The following FNIP1 variants were observed in gnomAD, a reference collection of about 807,000 sequenced individuals.
FNIP1 encodes the protein folliculin-interacting protein 1.
A neutral mutation model predicts 124.5 loss-of-function variants in FNIP1; 40 were observed. The ratio of observed to expected loss-of-function variants is 0.32; its 90% confidence interval spans 0.25 to 0.42. The LOEUF (loss-of-function observed/expected upper bound fraction) is 0.42. Among genes scored for constraint, FNIP1 ranks in the 10% least tolerant of loss-of-function variants. FNIP1 has a pLI of 1.00. For synonymous variants in FNIP1, 472 were observed against 470.6 expected (o/e 1.00, Z -0.04); for missense variants, 1,176 against 1,403.7 (o/e 0.84, Z 2.59).
chr5:131,780,499 C>T (rs1463789254), intron 1 of FNIP1, among the ~76,000 whole-genome samples: 14 of 151,452 alleles, frequency 9.2e-5, no homozygotes, highest in African/African-American at 3.2e-4. Flanking sequence ...ATTTTTTTTA[C>T]AAATTGAAGG....
chr5:131,653,429 C>T (rs1767100352), intron 15 of FNIP1, among the ~76,000 whole-genome samples: 3 of 151,894 alleles, frequency 2.0e-5, no homozygotes, highest in Admixed American at 6.6e-5. Flanking sequence ...ATCCCAGCTA[C>T]TTGGGAGGCT....
chr5:131,652,441 G>A (rs1767067033), intron 15 of FNIP1, among the ~76,000 whole-genome samples: 1 of 152,128 alleles, frequency 6.6e-6, no homozygotes, highest in Non-Finnish European at 1.5e-5. Context: ...TGCAACCTCC[G>A]CCTCCCAGGT....
intron 1 of FNIP1, 106 bp from the exon 2 acceptor site, chr5:131,744,796 T>C (rs1770621193): frequency 2.5e-6 from 2 of 802,974 alleles, no homozygotes; most frequent in South Asian, 8.0e-5. Context: ...CAAAATTATC[T>C]TATTGTTAAA....
chr5:131,662,337 A>G (rs756338761), intron 15 of FNIP1, among the ~76,000 whole-genome samples: 1 of 152,242 alleles, frequency 6.6e-6, no homozygotes, highest in Non-Finnish European at 1.5e-5. Context: ...ATTATCATCT[A>G]AACTTTAATA....
At chr5:131,763,682 C>T (rs1771317715) in intron 1 of FNIP1, among the ~76,000 whole-genome samples, 1 of 152,074 alleles carries the variant, frequency 6.6e-6, no homozygotes, top group Admixed American at 6.6e-5. Context: ...TACAATTCAA[C>T]ATGAGATTTG....
intron 11 of FNIP1, among the ~76,000 whole-genome samples, chr5:131,684,508 TCAAA>T (rs1254892750): frequency 6.6e-6 from 1 of 151,798 alleles, no homozygotes; most frequent in Non-Finnish European, 1.5e-5. Flanking sequence ...AGCAAAATAA[TCAAA>T]CAATACAAAT....
intron 2 of FNIP1, among the ~76,000 whole-genome samples, chr5:131,734,514 T>C (rs1770217347): frequency 6.6e-6 from 1 of 151,768 alleles, no homozygotes; most frequent in Admixed American, 6.6e-5. Context: ...ACCATCAGAG[T>C]GAACAGGCAA....
In FNIP1 at chr5:131,706,518, T is replaced by C; in HGVS notation, c.807A>G (p.Pro269=). 2 of 1,610,730 alleles carry C rather than the reference T, an allele frequency of 1.2e-6. No homozygotes were observed. Among genetic ancestry groups the C allele is most frequent in the Non-Finnish European group, 1.7e-6 (2 of 1,178,360 alleles). ...TAAGTGAGGAGTTTGGGGAAGGAAA[T>C]GGAGTGATCAGCAAGCTGCTGAGAG... is the stretch of plus-strand genomic sequence containing the variant. ...SASLSSLLIT[P]FPSPNSSLTR... The change falls in exon 9 of 18, where the codon CCA becomes CCG. Residue 269 remains proline, a synonymous_variant. Coordinates refer to ENST00000510461, the MANE Select transcript of FNIP1 (RefSeq NM_133372.3).
chr5:131,675,752 A>T (rs1447982440), intron 13 of FNIP1, among the ~76,000 whole-genome samples: 1 of 152,178 alleles, frequency 6.6e-6, no homozygotes, highest in African/African-American at 2.4e-5. Context: ...GAGGAGGAGG[A>T]GGAGGAAGAG....
At chr5:131,766,644 T>C (rs1771435881) in intron 1 of FNIP1, among the ~76,000 whole-genome samples, 1 of 152,172 alleles carries the variant, frequency 6.6e-6, no homozygotes, top group African/African-American at 2.4e-5. Flanking sequence ...ACAGGCCATC[T>C]GCAAGGTGGA....
At position 131,644,773 on chromosome 5, in the gene FNIP1, A is replaced by G; in HGVS notation, c.3423-10T>C. On this transcript the variant is annotated splice_polypyrimidine_tract_variant and intron_variant, in intron 17 of 17. Transcript: ENST00000510461. ...ATCACTGGATTCAATCCTGAAATAA[A>G]GGGGAAAAAAATGTCAGTTTTGATT... 1 of 1,613,374 alleles carries G rather than the reference A, an allele frequency of 6.2e-7. No individual in the cohort carries two copies. The highest frequency in any genetic ancestry group is 8.5e-7 in the Non-Finnish European group (1 of 1,179,566).
chr5:131,767,935 T>G (rs183018077), intron 1 of FNIP1, among the ~76,000 whole-genome samples: 213 of 152,284 alleles, frequency 1.4e-3, no homozygotes, highest in Middle Eastern at 0.014. Context: ...AACACTAATC[T>G]TTAGACTTAT....
At chr5:131,748,140 A>T (rs998992244) in intron 1 of FNIP1, among the ~76,000 whole-genome samples, 10 of 152,196 alleles carry the variant, frequency 6.6e-5, no homozygotes, top group Admixed American at 2.6e-4. Context: ...AGAGAATAGC[A>T]GTTGTTGGGA....
chr5:131,744,446 C>T (rs1024670669), intron 2 of FNIP1, 118 bp downstream of exon 2: 1 of 1,006,012 alleles, frequency 9.9e-7, no homozygotes, highest in African/African-American at 1.6e-5. Flanking sequence ...TTCCTTCTCC[C>T]TCAGCCCCAA....
chr5:131,662,288 G>T (rs1413655894), intron 15 of FNIP1, among the ~76,000 whole-genome samples: 20 of 151,556 alleles, frequency 1.3e-4, no homozygotes, highest in Non-Finnish European at 2.9e-4. Flanking sequence ...GATACCTTTT[G>T]CTTCTAATGT....
At chr5:131,721,005 G>T (rs1431231295) in intron 3 of FNIP1, among the ~76,000 whole-genome samples, 1 of 152,104 alleles carries the variant, frequency 6.6e-6, no homozygotes, top group Non-Finnish European at 1.5e-5. Context: ...TTAAAATCAG[G>T]ATCTCAAAGA....
chr5:131,728,759 G>A, intron 3 of FNIP1, among the ~76,000 whole-genome samples: 1 of 152,092 alleles, frequency 6.6e-6, no homozygotes. Flanking sequence ...GAGGAGGAGA[G>A]GCATTCTGGT....
intron 1 of FNIP1, among the ~76,000 whole-genome samples, chr5:131,769,857 A>C (rs1222763370): frequency 1.3e-5 from 2 of 152,208 alleles, no homozygotes; most frequent in Non-Finnish European, 2.9e-5. Context: ...GTACATGACT[A>C]CGAGAAAATC....
Position 131,706,471 on chromosome 5 carries a change from T to C in FNIP1, c.854A>G (p.Tyr285Cys), listed in dbSNP as rs1322694246. The C allele has an allele frequency of 1.9e-6, 3 of 1,613,570 alleles. No homozygotes were observed. The highest frequency in any genetic ancestry group is 2.5e-6 in the Non-Finnish European group (3 of 1,179,644). The change falls in exon 9 of 18, where the codon TAC becomes TGC. Residue 285 changes from tyrosine (Y) to cysteine (C), a missense_variant. Physicochemically the swap from Tyr to Cys is radical, Grantham distance 194. Around this residue, in one of 2 missense-constraint regions of FNIP1, gnomAD observed 1,109 missense variants for 1,288.5 expected, o/e 0.86. Coordinates refer to ENST00000510461, the MANE Select transcript of FNIP1 (RefSeq NM_133372.3). ...SSLTRSCASS[Y>C]QRRWRRSQTT... ...TTGGCTGCGTCGCCAACGTCGCTGG[T>C]AGCTGCTGGCACAACTTCGGGTAAG... is the stretch of plus-strand genomic sequence containing the variant.
Sources: allele counts gnomAD v4.1 joint callset (sites outside exome capture counted in the v4.1 genomes callset), GRCh38; gene constraint gnomAD v4.1.1; regional missense constraint gnomAD v4.1.1; transcripts MANE v1.5; gene names NCBI Gene and HGNC (gene_info 2026-07-23, HGNC 2026-07-21).